TMEM169: variants seen among roughly 807,000 people sequenced by gnomAD.
The protein encoded by TMEM169 is transmembrane protein 169.
Under a neutral mutation model 27.3 loss-of-function variants are expected in TMEM169, and 18 were observed. That is an observed-to-expected ratio of 0.66 (90% confidence interval 0.46 to 0.98). The LOEUF is 0.98. Ranked by LOEUF, TMEM169 falls within the 50% of genes least tolerant of loss-of-function variation. The pLI, the probability that TMEM169 is intolerant of heterozygous loss-of-function variation, is 0.00. For missense variants in TMEM169, 320 were observed against 368.6 expected (o/e 0.87, Z 1.08); for synonymous variants, 136 against 142.1 (o/e 0.96, Z 0.30).
At position 216,095,819 on chromosome 2, in the gene TMEM169, T is replaced by C. The variant is rs754809460; in HGVS notation, c.-126-19T>C. 2.3e-4 allele frequency: 219 copies of C among 971,896 alleles called. No homozygotes were observed. Among genetic ancestry groups the C allele is most frequent in the Non-Finnish European group, 3.1e-4 (211 of 675,024 alleles). The allele number at this position is 971,896 out of a possible 1,614,324, so 60.2% of individuals were successfully genotyped here. On this transcript the variant is annotated intron_variant, in intron 1 of 2. Coordinates refer to ENST00000437356, the MANE Select transcript of TMEM169 (RefSeq NM_001142311.2). ...CCCCATTTGCTTCCTGTTGATGGCT[T>C]TGCTTTCCTATCTTTCAGGTGGAAT...
intron 1 of TMEM169, among the ~76,000 whole-genome samples, chr2:216,093,125 A>AGTGTGTGTGTGTGTGTGTGTGTGTGT: frequency 6.9e-6 from 1 of 145,816 alleles, no homozygotes; most frequent in African/African-American, 2.6e-5. Flanking sequence ...GTAATAATGA[A>AGTGTGTGTGTGTGTGTGTGTGTGTGT]GTGTGTGTGT....
At chr2:216,085,855 G>A (rs540021200) in intron 1 of TMEM169, among the ~76,000 whole-genome samples, 2 of 148,246 alleles carry the variant, frequency 1.3e-5, no homozygotes, top group African/African-American at 5.0e-5. Flanking sequence ...AAGGCAACAA[G>A]AGTGAAACTC....
rs532114099 is a variant in TMEM169 at position 216,099,633 on chromosome 2, G to T, written c.272-287G>T. Among the ~76,000 whole-genome samples the T allele has an allele frequency of 6.6e-6, 1 of 152,230 alleles. No homozygotes were observed. Among genetic ancestry groups the T allele is most frequent in the South Asian group, 2.1e-4 (1 of 4,826 alleles). On this transcript the variant is annotated intron_variant, in intron 2 of 2. Coordinates refer to ENST00000437356, the MANE Select transcript of TMEM169 (RefSeq NM_001142311.2). The surrounding 1 kb of genome is among the most constrained non-coding windows in gnomAD (Gnocchi z 5.0). ...CTCCGTGCCACAGAGATTGTGCCAA[G>T]ATTGAGGCCCCAAAAAGCGGAGAGA...
chr2:216,085,889 A>T (rs989663894), intron 1 of TMEM169, among the ~76,000 whole-genome samples: 1 of 151,826 alleles, frequency 6.6e-6, no homozygotes, highest in African/African-American at 2.4e-5. Context: ...AAAAACAAAA[A>T]CAAAAAAAGA....
At chr2:216,085,618 C>T (rs1478493711) in intron 1 of TMEM169, among the ~76,000 whole-genome samples, 1 of 152,134 alleles carries the variant, frequency 6.6e-6, no homozygotes, top group Non-Finnish European at 1.5e-5. Context: ...CGCCTGTAAT[C>T]CCAGCACTTT....
intron 1 of TMEM169, among the ~76,000 whole-genome samples, chr2:216,089,873 GA>G (rs1237721781): frequency 2.0e-5 from 3 of 152,198 alleles, no homozygotes; most frequent in Non-Finnish European, 4.4e-5. Flanking sequence ...GTCAAGTGTG[GA>G]AAATAAGACC....
At position 216,100,135 on chromosome 2, in the gene TMEM169, T is replaced by C. The variant is rs754252413; in HGVS notation, c.487T>C (p.Trp163Arg). Residue 163 changes from tryptophan to arginine, a missense_variant, in exon 3 of 3, where the codon TGG becomes CGG. Transcript: ENST00000437356. Reference protein sequence around the residue: ...GADRGPHVVLWTLICLPVVFI... With the variant: ...GADRGPHVVLRTLICLPVVFI... Reference sequence around the variant, plus strand: ...TGACCGTGGGCCCCATGTGGTCCTCTGGACGCTGATCTGCCTGCCTGTGGT... The same window carrying C: ...TGACCGTGGGCCCCATGTGGTCCTCCGGACGCTGATCTGCCTGCCTGTGGT... 1.2e-6 allele frequency: 2 copies of C among 1,614,198 alleles called. No homozygotes were observed. The highest frequency in any genetic ancestry group is 2.2e-5 in the South Asian group (2 of 91,086).
intron 1 of TMEM169, among the ~76,000 whole-genome samples, chr2:216,093,125 AGTGTGTGTGTGTGTGTGTGTGT>A (rs60241289): frequency 6.9e-6 from 1 of 145,912 alleles, no homozygotes; most frequent in South Asian, 2.3e-4. Flanking sequence ...GTAATAATGA[AGTGTGTGTGTGTGTGTGTGTGT>A]GTGTGTGTGT....
chr2:216,088,094 G>C (rs1696046979), intron 1 of TMEM169, among the ~76,000 whole-genome samples: 1 of 150,832 alleles, frequency 6.6e-6, no homozygotes, highest in African/African-American at 2.4e-5. Flanking sequence ...GGAGGCTGAG[G>C]TTGCAGTGAG....
rs1192079901 is a variant in TMEM169 at position 216,095,056 on chromosome 2, A to T, written c.-126-782A>T. Among the ~76,000 whole-genome samples the T allele has an allele frequency of 2.0e-4, 30 of 151,040 alleles. 1 individual carries two copies. The highest frequency in any genetic ancestry group is 2.0e-3 in the Admixed American group (30 of 15,152). On this transcript the variant is annotated intron_variant, in intron 1 of 2. Transcript: ENST00000437356. ...GAGTATAGTTTTAATGTATGATTCAATAGCCAGAAGTCTGGAATACTGGTC... is the reference window on the plus strand; with the variant it reads ...GAGTATAGTTTTAATGTATGATTCATTAGCCAGAAGTCTGGAATACTGGTC...
chr2:216,083,424 C>T (rs1695920564), intron 1 of TMEM169, among the ~76,000 whole-genome samples: 1 of 152,086 alleles, frequency 6.6e-6, no homozygotes, highest in Non-Finnish European at 1.5e-5. Context: ...CAAGAGAAGT[C>T]CAGACTTTCT....
Position 216,101,406 on chromosome 2 carries a change from T to C in TMEM169, c.*864T>C, listed in dbSNP as rs763970310. 6.6e-6 allele frequency: 1 copy of C among 152,272 alleles called. No individual in the cohort carries two copies. The highest frequency in any genetic ancestry group is 1.5e-5 in the Non-Finnish European group (1 of 68,068). 9.4% of individuals were successfully genotyped at this position (152,272 alleles called of 1,614,324 possible). A position where few individuals can be genotyped will look rare whatever the true frequency, so the allele number is the denominator to read the frequency against. ...GTAGTTGTTTGGCTGGGTAGCTATA[T>C]TCTCAGCTAAATACTGGGTTCACGC... On this transcript the variant is annotated 3_prime_UTR_variant, in exon 3 of 3. Coordinates refer to ENST00000437356, the MANE Select transcript of TMEM169 (RefSeq NM_001142311.2).
chr2:216,085,157 C>CT (rs1289237577), intron 1 of TMEM169, among the ~76,000 whole-genome samples: 1 of 152,142 alleles, frequency 6.6e-6, no homozygotes, highest in African/African-American at 2.4e-5. Flanking sequence ...GCCTGACCAT[C>CT]TGATTTTCTT....
At chr2:216,096,357 A>G (rs2105986823) in intron 2 of TMEM169, 123 bp downstream of exon 2, 1 of 1,151,752 alleles carries the variant, frequency 8.7e-7, no homozygotes, top group Non-Finnish European at 1.2e-6. Flanking sequence ...TTCTTGCAAT[A>G]TTACCACCTT....
chr2:216,083,948 T>A (rs1695936635), intron 1 of TMEM169, among the ~76,000 whole-genome samples: 3 of 152,216 alleles, frequency 2.0e-5, no homozygotes, highest in Admixed American at 2.0e-4. Flanking sequence ...AAATTTTAGT[T>A]CTGCCTCTGG....
intron 2 of TMEM169, 61 bp downstream of exon 2, chr2:216,096,295 A>G: frequency 6.4e-7 from 1 of 1,556,234 alleles, no homozygotes; most frequent in Non-Finnish European, 8.7e-7. Context: ...GGCATCTTCC[A>G]GAACAGACAG....
chr2:216,090,899 A>G (rs1406103373), intron 1 of TMEM169, among the ~76,000 whole-genome samples: 1 of 152,234 alleles, frequency 6.6e-6, no homozygotes, highest in Non-Finnish European at 1.5e-5. Context: ...TTAGGAAAAC[A>G]CTGTTTTTAC....
chr2:216,100,710 C>G lies in TMEM169; in HGVS notation c.*168C>G. On this transcript the variant is annotated 3_prime_UTR_variant, in exon 3 of 3. Coordinates refer to ENST00000437356, the MANE Select transcript of TMEM169 (RefSeq NM_001142311.2). ...TTGAGGGTTCCAGGAGGGCATGGAG[C>G]AGACAAGCAATTGTGCCAAAGCAGT... 1 of 892,982 alleles carries G rather than the reference C, an allele frequency of 1.1e-6. No individual in the cohort carries two copies. Among genetic ancestry groups the G allele is most frequent in the Admixed American group, 2.8e-5 (1 of 35,966 alleles). The allele number at this position is 892,982 out of a possible 1,614,324, so 55.3% of individuals were successfully genotyped here.
chr2:216,100,428 G>C lies in TMEM169; in HGVS notation c.780G>C (p.Leu260=), dbSNP rs1476945205. 1.2e-6 allele frequency: 2 copies of C among 1,613,884 alleles called. No homozygotes were observed. The highest frequency in any genetic ancestry group is 1.7e-6 in the Non-Finnish European group (2 of 1,179,972). Reference sequence around the variant, plus strand: ...TCTGTGGCTGGCTCTGCAGCAAGCTGGGTCTGGAGGACTGTTCTCCCTACA... The same window carrying C: ...TCTGTGGCTGGCTCTGCAGCAAGCTCGGTCTGGAGGACTGTTCTCCCTACA... The part of the protein sequence containing the change: ...KGFCGWLCSK[L]GLEDCSPYSI... Residue 260 remains leucine (L), a synonymous_variant, in exon 3 of 3, where the codon CTG becomes CTC. Coordinates refer to ENST00000437356, the MANE Select transcript of TMEM169 (RefSeq NM_001142311.2).
Sources: allele counts gnomAD v4.1 joint callset (sites outside exome capture counted in the v4.1 genomes callset), GRCh38; gene constraint gnomAD v4.1.1; non-coding constraint Gnocchi (gnomAD v3.1); transcripts MANE v1.5; gene names NCBI Gene and HGNC (gene_info 2026-07-23, HGNC 2026-07-21).